PDCD4: variants seen among roughly 807,000 people sequenced by gnomAD.
PDCD4 encodes programmed cell death protein 4.
Under a neutral mutation model 54.0 loss-of-function variants are expected in PDCD4, and 56 were observed. The ratio of observed to expected loss-of-function variants is 1.04; its 90% CI spans 0.84 to 1.30. PDCD4 has a LOEUF of 1.30. PDCD4 is among the 50% of genes most tolerant of loss of function. The pLI, the probability that PDCD4 is intolerant of heterozygous loss-of-function variation, is 0.00. For synonymous variants in PDCD4, 186 were observed against 194.8 expected (o/e 0.95, Z 0.37); for missense variants, 584 against 559.8 (o/e 1.04, Z -0.44).
intron 2 of PDCD4, among the ~76,000 whole-genome samples, chr10:110,877,872 T>G (rs868289688): frequency 6.6e-5 from 10 of 152,372 alleles, no homozygotes; most frequent in Middle Eastern, 3.4e-3. Context: ...TATAGATTTA[T>G]AATTAGGATT....
rs1233923377 is a variant in PDCD4 at position 110,899,397 on chromosome 10, ATTGT to A, written c.*1313_*1316del. ...TATAGTTACCATTTTTAGGTTTTTAATTGTTTGACACTTGGATGATAAATGCAGT... is the reference window on the plus strand; with the variant it reads ...TATAGTTACCATTTTTAGGTTTTTAATTGACACTTGGATGATAAATGCAGT... On this transcript the variant is annotated 3_prime_UTR_variant, in exon 12 of 12. Transcript: ENST00000280154. The A allele has an allele frequency of 6.6e-6, 1 of 152,166 alleles. No individual in the cohort carries two copies. The highest frequency in any genetic ancestry group is 2.4e-5 in the African/African-American group (1 of 41,458). The allele number at this position is 152,166 out of a possible 1,614,324, so 9.4% of individuals were successfully genotyped here.
Position 110,887,956 on chromosome 10 carries a change from C to T in PDCD4, c.777+70C>T. The T allele has an allele frequency of 3.9e-6, 4 of 1,027,702 alleles. No individual in the cohort carries two copies. In the South Asian group the frequency reaches 4.6e-5, roughly 12 times the overall value. The allele number at this position is 1,027,702 out of a possible 1,614,324, so 63.7% of individuals were successfully genotyped here. A position where few individuals can be genotyped will look rare whatever the true frequency, so the allele number is the denominator to read the frequency against. On this transcript the variant is annotated intron_variant, in intron 6 of 11. Transcript: ENST00000280154. ...TTCCTAATTGTGGAAATAATGTATA[C>T]TCCTAGGAAATTTTAGTAGATGGAA...
In PDCD4 at chr10:110,876,031, G is replaced by T; in HGVS notation, c.4G>T (p.Asp2Tyr). Residue 2 changes from aspartate to tyrosine, a missense_variant, in exon 2 of 12, where the codon GAT (aspartate) becomes TAT (tyrosine). Physicochemically the swap from Asp to Tyr is radical, Grantham distance 160. Transcript: ENST00000280154. ...GTGCAAGCGAAATTAAGGGAAAATGGATGTAGAAAATGAGCAGATACTGAA... is the reference window on the plus strand; with the variant it reads ...GTGCAAGCGAAATTAAGGGAAAATGTATGTAGAAAATGAGCAGATACTGAA... M[D>Y]VENEQILNVN... 6.2e-7 allele frequency: 1 copy of T among 1,609,608 alleles called. No homozygotes were observed. Among genetic ancestry groups the T allele is most frequent in the Non-Finnish European group, 8.5e-7 (1 of 1,177,062 alleles).
At chr10:110,872,326 G>C (rs1330308289) in intron 1 of PDCD4, 1 of 152,372 alleles carries the variant, frequency 6.6e-6, no homozygotes, top group Admixed American at 6.5e-5. Context: ...AGGGGCGCGC[G>C]AGGCGCTCGC....
At chr10:110,897,358 G>T (rs553302905) in intron 11 of PDCD4, among the ~76,000 whole-genome samples, 3 of 152,162 alleles carry the variant, frequency 2.0e-5, no homozygotes, top group African/African-American at 2.4e-5. Flanking sequence ...TGTGCCTATT[G>T]GCCTGGGGTC....
At position 110,899,331 on chromosome 10, in the gene PDCD4, A is replaced by C. The variant is rs1325145977; in HGVS notation, c.*1243A>C. ...AAAACCAAGTTTAGTGTTCATATTT[A>C]CCTCATGGGCTTTATCAAGCCCATA... On this transcript the variant is annotated 3_prime_UTR_variant, in exon 12 of 12. Coordinates refer to ENST00000280154, the MANE Select transcript of PDCD4 (RefSeq NM_014456.5). 6.6e-6 allele frequency: 1 copy of C among 152,212 alleles called. No individual in the cohort carries two copies. The highest frequency in any genetic ancestry group is 1.5e-5 in the Non-Finnish European group (1 of 68,042). 9.4% of individuals were successfully genotyped at this position (152,212 alleles called of 1,614,324 possible). A position where few individuals can be genotyped will look rare whatever the true frequency, so the allele number is the denominator to read the frequency against.
Position 110,875,983 on chromosome 10 carries a change from C to T in PDCD4, c.-45C>T, listed in dbSNP as rs1431136069. 6 of 1,426,162 alleles carry T rather than the reference C, an allele frequency of 4.2e-6. No homozygotes were observed. The highest frequency in any genetic ancestry group is 5.8e-6 in the Non-Finnish European group (6 of 1,042,166). 88.3% of individuals were successfully genotyped at this position (1,426,162 alleles called of 1,614,324 possible). On this transcript the variant is annotated 5_prime_UTR_variant, in exon 2 of 12. Coordinates refer to ENST00000280154, the MANE Select transcript of PDCD4 (RefSeq NM_014456.5). ...AAAAACAGATTCTGAAGGAAGATTT[C>T]CATTAGGTAATTTGTTTAATCAGTG... is the stretch of plus-strand genomic sequence containing the variant.
chr10:110,894,570 T>C, intron 10 of PDCD4, 48 bp downstream of exon 10: 1 of 834,854 alleles, frequency 1.2e-6, no homozygotes, highest in Admixed American at 2.0e-5. Context: ...ATGTCTTAAA[T>C]ATATGATTGA....
In PDCD4 at chr10:110,881,447, A is replaced by C; in HGVS notation, c.258A>C (p.Arg86Ser). The C allele has an allele frequency of 6.2e-7, 1 of 1,614,166 alleles. No homozygotes were observed. The highest frequency in any genetic ancestry group is 1.3e-5 in the African/African-American group (1 of 75,042). Residue 86 changes from arginine (R) to serine (S), a missense_variant, in exon 3 of 12, where the codon AGA becomes AGC. Coordinates refer to ENST00000280154, the MANE Select transcript of PDCD4 (RefSeq NM_014456.5). ...GCGACAGTGGGAGTGACGCCCTTAG[A>C]AGTGGATTAACTGTGCCAACCAGTC... is the stretch of plus-strand genomic sequence containing the variant. ...SVSDSGSDALRSGLTVPTSPK... is the reference protein window; with the variant it reads ...SVSDSGSDALSSGLTVPTSPK...
rs1016256413 is a variant in PDCD4 at position 110,898,812 on chromosome 10, A to G, written c.*724A>G. The G allele has an allele frequency of 1.3e-5, 2 of 152,610 alleles. No individual in the cohort carries two copies. The highest frequency in any genetic ancestry group is 2.9e-5 in the Non-Finnish European group (2 of 68,024). 9.5% of individuals were successfully genotyped at this position (152,610 alleles called of 1,614,324 possible). A position where few individuals can be genotyped will look rare whatever the true frequency, so the allele number is the denominator to read the frequency against. On this transcript the variant is annotated 3_prime_UTR_variant, in exon 12 of 12. Transcript: ENST00000280154. ...TTTCACACAGTAAATTTTGAATCTC[A>G]TAAGGAAGCATATTTGAACCTAGTC... is the stretch of plus-strand genomic sequence containing the variant.
intron 8 of PDCD4, chr10:110,891,012 C>CT: frequency 1.1e-5 from 2 of 174,060 alleles, no homozygotes; most frequent in Non-Finnish European, 2.4e-5. Flanking sequence ...AATAAATACG[C>CT]TTTTATATGA....
At chr10:110,895,063 AT>A (rs1407013024) in intron 10 of PDCD4, among the ~76,000 whole-genome samples, 1 of 151,794 alleles carries the variant, frequency 6.6e-6, no homozygotes, top group Non-Finnish European at 1.5e-5. Flanking sequence ...AGTTTTACTT[AT>A]TTTTTTATTT....
chr10:110,896,195 AC>A, intron 11 of PDCD4, 108 bp downstream of exon 11: 1 of 800,262 alleles, frequency 1.2e-6, no homozygotes, highest in Non-Finnish European at 2.0e-6. Flanking sequence ...GAAGAACGTG[AC>A]TCTTGTGAGT....
Position 110,885,261 on chromosome 10 carries a change from T to G in PDCD4, c.450T>G (p.Cys150Trp). The G allele has an allele frequency of 1.3e-6, 2 of 1,509,318 alleles. No individual in the cohort carries two copies. The highest frequency in any genetic ancestry group is 1.7e-5 in the Admixed American group (1 of 58,420). The allele number at this position is 1,509,318 out of a possible 1,614,324, so 93.5% of individuals were successfully genotyped here. ...CCCTTTTCCCCTCAAAGGAGAACTG[T>G]GTTTATGAAACTGTAGTTTTGCCTT... Reference protein sequence around the residue: ...DPNYDDDQENCVYETVVLPLD... With the variant: ...DPNYDDDQENWVYETVVLPLD... Residue 150 changes from cysteine to tryptophan, a missense_variant, in exon 5 of 12, where the codon TGT (cysteine) becomes TGG (tryptophan). Coordinates refer to ENST00000280154, the MANE Select transcript of PDCD4 (RefSeq NM_014456.5).
Position 110,887,679 on chromosome 10 carries a change from T to A in PDCD4, c.570T>A (p.Asp190Glu), listed in dbSNP as rs1845688842. The A allele has an allele frequency of 6.2e-7, 1 of 1,610,328 alleles. No homozygotes were observed. The highest frequency in any genetic ancestry group is 8.5e-7 in the Non-Finnish European group (1 of 1,176,778). ...TTTTTGAACAGGAAATGTTAAGAGA[T>A]TTAAATCTTGGTGAAATGAAAAGTG... is the stretch of plus-strand genomic sequence containing the variant. ...DTNEVAEMLR[D>E]LNLGEMKSGV... The change falls in exon 6 of 12, where the codon GAT becomes GAA. Residue 190 changes from aspartate (D) to glutamate (E), a missense_variant. Transcript: ENST00000280154.
At chr10:110,895,484 T>C (rs1230970435) in intron 10 of PDCD4, among the ~76,000 whole-genome samples, 1 of 152,220 alleles carries the variant, frequency 6.6e-6, no homozygotes, top group Non-Finnish European at 1.5e-5. Context: ...CCACCATTGA[T>C]GGGCACTTGG....
intron 9 of PDCD4, 46 bp downstream of exon 9, chr10:110,894,244 T>A (rs1743943853): frequency 1.8e-6 from 2 of 1,117,762 alleles, no homozygotes; most frequent in Non-Finnish European, 2.7e-6. Flanking sequence ...AGTGTTCCTT[T>A]TTGTACTGTA....
intron 10 of PDCD4, among the ~76,000 whole-genome samples, chr10:110,895,369 GGCCTC>G (rs1845816091): frequency 2.0e-5 from 3 of 152,202 alleles, no homozygotes; most frequent in Admixed American, 6.5e-5. Context: ...TTAGGATAAT[GGCCTC>G]CAGCTGCATC....
At chr10:110,876,179 C>A in intron 2 of PDCD4, 109 bp downstream of exon 2, 1 of 763,164 alleles carries the variant, frequency 1.3e-6, no homozygotes, top group Non-Finnish European at 2.1e-6. Context: ...GCAGTTTTGA[C>A]TTTCCTGGGC....
Sources: allele counts gnomAD v4.1 joint callset (sites outside exome capture counted in the v4.1 genomes callset), GRCh38; gene constraint gnomAD v4.1.1; transcripts MANE v1.5; gene names NCBI Gene and HGNC (gene_info 2026-07-23, HGNC 2026-07-21).